Variants in TRIM67 observed in about 807,000 individuals in gnomAD.
TRIM67 encodes tripartite motif containing 67.
TRIM67 carries 39 observed loss-of-function variants against 71.0 expected under a neutral mutation model. The ratio of observed to expected loss-of-function variants is 0.55; its 90% CI spans 0.43 to 0.72. The LOEUF (loss-of-function observed/expected upper bound fraction) is 0.72. Among genes scored for constraint, TRIM67 ranks in the 30% least tolerant of loss-of-function variants. TRIM67 has a pLI of 0.00. For synonymous variants in TRIM67, 481 were observed against 473.9 expected, an observed-to-expected ratio of 1.01 and a Z score of -0.19; for missense variants, 973 against 1,079.2, an observed-to-expected ratio of 0.90 and a Z score of 1.38.
chr1:231,215,222 C>T (rs577191095), intron 9 of TRIM67, among the ~76,000 whole-genome samples, 153 bp from the exon 10 acceptor site: 2 of 152,250 alleles, frequency 1.3e-5, no homozygotes, highest in Admixed American at 6.5e-5. Context: ...TACTGGGGGA[C>T]GTAATATTCA....
intron 1 of TRIM67, among the ~76,000 whole-genome samples, 182 bp downstream of exon 1, chr1:231,164,195 A>T (rs909677823): frequency 6.6e-6 from 1 of 152,224 alleles, no homozygotes; most frequent in Non-Finnish European, 1.5e-5. Context: ...GACTCCCGGT[A>T]CTTTGGACTG....
intron 1 of TRIM67, chr1:231,186,203 A>C (rs1163116225): frequency 6.6e-7 from 1 of 1,513,754 alleles, no homozygotes; most frequent in Non-Finnish European, 8.8e-7. Context: ...GGAACTCTTG[A>C]GCCCAAAGGG....
chr1:231,217,092 C>A lies in TRIM67; in HGVS notation c.*1652C>A, dbSNP rs1411874509. 9.1e-6 allele frequency: 9 copies of A among 985,786 alleles called. No homozygotes were observed. In the African/African-American group the frequency reaches 1.4e-4, roughly 15 times the overall value. The allele number at this position is 985,786 out of a possible 1,614,324, so 61.1% of individuals were successfully genotyped here. A position where few individuals can be genotyped will look rare whatever the true frequency, so the allele number is the denominator to read the frequency against. On this transcript the variant is annotated 3_prime_UTR_variant, in exon 10 of 10. Transcript: ENST00000366653. ...CGCCTGCTTTCTGAGTAACTGCCTG[C>A]CGGAGCCATGCAGGTACCCCCCCTC...
intron 1 of TRIM67, 128 bp from the exon 2 acceptor site, chr1:231,197,243 A>G (rs2102745622): frequency 1.5e-6 from 1 of 678,142 alleles, no homozygotes; most frequent in Non-Finnish European, 2.5e-6. Context: ...TCCCTTCATC[A>G]ATGAGAACAG....
chr1:231,192,195 T>C (rs1457132054), intron 1 of TRIM67, among the ~76,000 whole-genome samples: 1 of 143,200 alleles, frequency 7.0e-6, no homozygotes, highest in African/African-American at 2.9e-5. Context: ...TCTCTCTCAC[T>C]CTCCCTGTCT....
chr1:231,203,796 G>C, intron 5 of TRIM67, 71 bp from the exon 6 acceptor site: 1 of 1,540,548 alleles, frequency 6.5e-7, no homozygotes, highest in South Asian at 1.2e-5. Flanking sequence ...CCTGGGATGG[G>C]GTGGGGTGGG....
At position 231,217,355 on chromosome 1, in the gene TRIM67, C is replaced by T. The variant is rs1024521970; in HGVS notation, c.*1915C>T. 7.1e-6 allele frequency: 7 copies of T among 986,008 alleles called. No individual in the cohort carries two copies. Among genetic ancestry groups the T allele is most frequent in the Non-Finnish European group, 7.2e-6 (6 of 830,444 alleles). The allele number at this position is 986,008 out of a possible 1,614,324, so 61.1% of individuals were successfully genotyped here. On this transcript the variant is annotated 3_prime_UTR_variant, in exon 10 of 10. Coordinates refer to ENST00000366653, the MANE Select transcript of TRIM67 (RefSeq NM_001004342.5). Reference sequence around the variant, plus strand: ...GGTTTCTGGGTCTCCTCCTCCCATCCCAGAGCCCTGTCCAGAGCTCTTGGT... The same window carrying T: ...GGTTTCTGGGTCTCCTCCTCCCATCTCAGAGCCCTGTCCAGAGCTCTTGGT...
chr1:231,211,838 C>G (rs1462101817), intron 8 of TRIM67, among the ~76,000 whole-genome samples: 1 of 152,186 alleles, frequency 6.6e-6, no homozygotes, highest in Non-Finnish European at 1.5e-5. Flanking sequence ...ACTCAGGAGG[C>G]TGAGGCAGGA....
In TRIM67 at chr1:231,163,507, C is replaced by G. The variant is rs1005308154; in HGVS notation, c.538C>G (p.Arg180Gly). Residue 180 changes from arginine (R) to glycine (G), a missense_variant, in exon 1 of 10, where the codon CGG becomes GGG. This residue lies in a region of TRIM67 where 795 missense variants were observed against 831.3 expected (regional missense o/e 0.96). Transcript: ENST00000366653. ...CGGCCTGCGCGGCTTCCAGCGCAAC[C>G]GGCTGCTCGAGGCCATCGTGCAGCG... is the stretch of plus-strand genomic sequence containing the variant. ...HRGLRGFQRN[R>G]LLEAIVQRYQ... 6.6e-7 allele frequency: 1 copy of G among 1,518,448 alleles called. No homozygotes were observed. Among genetic ancestry groups the G allele is most frequent in the Admixed American group, 2.0e-5 (1 of 49,500 alleles). The allele number at this position is 1,518,448 out of a possible 1,614,324, so 94.1% of individuals were successfully genotyped here. A position where few individuals can be genotyped will look rare whatever the true frequency, so the allele number is the denominator to read the frequency against.
Position 231,215,729 on chromosome 1 carries a change from C to T in TRIM67, c.*289C>T, listed in dbSNP as rs1427415049. ...GAAGGACCTTTCTCAAGGGAGTCAGCATTCGGGCTTCATGTCTATGTTTCC... is the reference window on the plus strand; with the variant it reads ...GAAGGACCTTTCTCAAGGGAGTCAGTATTCGGGCTTCATGTCTATGTTTCC... On this transcript the variant is annotated 3_prime_UTR_variant, in exon 10 of 10. Transcript: ENST00000366653. 33 of 1,201,262 alleles carry T rather than the reference C, an allele frequency of 2.7e-5. No individual in the cohort carries two copies. The highest frequency in any genetic ancestry group is 8.7e-5 in the Admixed American group (2 of 23,038). 74.4% of individuals were successfully genotyped at this position (1,201,262 alleles called of 1,614,324 possible).
chr1:231,176,182 C>A (rs1682742224), intron 1 of TRIM67, among the ~76,000 whole-genome samples: 1 of 152,218 alleles, frequency 6.6e-6, no homozygotes, highest in African/African-American at 2.4e-5. Context: ...TCTTTGAGTG[C>A]CTCCTGTAAT....
At chr1:231,196,038 C>G (rs1158510448) in intron 1 of TRIM67, among the ~76,000 whole-genome samples, 1 of 152,192 alleles carries the variant, frequency 6.6e-6, no homozygotes, top group African/African-American at 2.4e-5. Flanking sequence ...CTGTGAGCCA[C>G]CCAGCAAAGC....
In TRIM67 at chr1:231,220,233, C is replaced by G; in HGVS notation, c.*4793C>G. 1 of 320,622 alleles carries G rather than the reference C, an allele frequency of 3.1e-6. No individual in the cohort carries two copies. Among genetic ancestry groups the G allele is most frequent in the Non-Finnish European group, 6.1e-6 (1 of 163,214 alleles). 19.9% of individuals were successfully genotyped at this position (320,622 alleles called of 1,614,324 possible). On this transcript the variant is annotated 3_prime_UTR_variant, in exon 10 of 10. Coordinates refer to ENST00000366653, the MANE Select transcript of TRIM67 (RefSeq NM_001004342.5). ...GCCTCCTTGTGACCAGGGCAAGGAGCTGCCTGGCCTCCAGTGGGTAAAATA... is the reference window on the plus strand; with the variant it reads ...GCCTCCTTGTGACCAGGGCAAGGAGGTGCCTGGCCTCCAGTGGGTAAAATA...
intron 1 of TRIM67, among the ~76,000 whole-genome samples, chr1:231,168,624 T>A (rs1004822520): frequency 1.3e-5 from 2 of 152,270 alleles, no homozygotes; most frequent in Non-Finnish European, 2.9e-5. Flanking sequence ...TTCTTTCTAG[T>A]AATTATTGTT....
intron 1 of TRIM67, among the ~76,000 whole-genome samples, chr1:231,192,185 T>C (rs1005936386): frequency 2.7e-5 from 4 of 146,918 alleles, no homozygotes; most frequent in African/African-American, 1.1e-4. Flanking sequence ...TCCATCTGTC[T>C]CTCTCTCACT....
chr1:231,189,782 G>A (rs2102737888), intron 1 of TRIM67, among the ~76,000 whole-genome samples: 1 of 152,146 alleles, frequency 6.6e-6, no homozygotes, highest in South Asian at 2.1e-4. Flanking sequence ...CCCCACTGCT[G>A]ATACCACCTC....
At position 231,218,077 on chromosome 1, in the gene TRIM67, T is replaced by C. The variant is rs1684058828; in HGVS notation, c.*2637T>C. ...CTTCAGCACAAAACACCTTCAATGT[T>C]CTGACTTCAAAGAGAACGACAGGTC... On this transcript the variant is annotated 3_prime_UTR_variant, in exon 10 of 10. Transcript: ENST00000366653. 8.9e-7 allele frequency: 1 copy of C among 1,117,376 alleles called. No homozygotes were observed. The highest frequency in any genetic ancestry group is 1.6e-5 in the African/African-American group (1 of 61,638). The allele number at this position is 1,117,376 out of a possible 1,614,324, so 69.2% of individuals were successfully genotyped here. A position where few individuals can be genotyped will look rare whatever the true frequency, so the allele number is the denominator to read the frequency against.
In TRIM67 at chr1:231,216,844, C is replaced by G. The variant is rs566789269; in HGVS notation, c.*1404C>G. The stretch of plus-strand genomic sequence containing the variant: ...GCCAGGCTCTTGTTCCCAGGGAACC[C>G]TTCCTCTCCTCCCTCCTCTCATCTT... On this transcript the variant is annotated 3_prime_UTR_variant, in exon 10 of 10. Transcript: ENST00000366653. 898 of 984,558 alleles carry G rather than the reference C, an allele frequency of 9.1e-4. 3 individuals are homozygous for G. The highest frequency in any genetic ancestry group is 2.6e-3 in the Middle Eastern group (5 of 1,916). The allele number at this position is 984,558 out of a possible 1,614,324, so 61.0% of individuals were successfully genotyped here. A position where few individuals can be genotyped will look rare whatever the true frequency, so the allele number is the denominator to read the frequency against.
rs149096976 is a variant in TRIM67 at position 231,185,177 on chromosome 1, C to T, written c.1045-12194C>T. 1,655 of 1,532,986 alleles carry T rather than the reference C, an allele frequency of 1.1e-3. 7 individuals are homozygous for T. Among genetic ancestry groups the T allele is most frequent in the Middle Eastern group, 6.4e-3 (28 of 4,358 alleles). The allele number at this position is 1,532,986 out of a possible 1,614,324, so 95.0% of individuals were successfully genotyped here. A position where few individuals can be genotyped will look rare whatever the true frequency, so the allele number is the denominator to read the frequency against. Reference sequence around the variant, plus strand: ...CAGCCAGCCAGCCTGTACTCCACGGCGTCCATTCCTGCACCTTCCACCCTT... The same window carrying T: ...CAGCCAGCCAGCCTGTACTCCACGGTGTCCATTCCTGCACCTTCCACCCTT... On this transcript the variant is annotated intron_variant, in intron 1 of 9. Transcript: ENST00000366653.
Sources: gnomAD v4.1 joint callset for allele counts (sites outside exome capture counted in the v4.1 genomes callset) on GRCh38, gnomAD v4.1.1 for gene constraint, gnomAD v4.1.1 regional missense constraint, MANE v1.5 for transcripts, NCBI Gene and HGNC (gene_info 2026-07-23, HGNC 2026-07-21) for gene names.